POTEE: variants seen among roughly 807,000 people sequenced by gnomAD.
POTEE encodes the protein POTE ankyrin domain family member E.
Under a neutral mutation model 74.2 loss-of-function variants are expected in POTEE, and 21 were observed. The observed-to-expected ratio is 0.28, with a 90% confidence interval of 0.20 to 0.41. The LOEUF (loss-of-function observed/expected upper bound fraction) is 0.41, where lower values mean the gene tolerates loss of function less well. POTEE is among the 10% of genes least tolerant of loss of function. POTEE has a pLI of 1.00. For missense variants in POTEE, 525 were observed against 1,158.6 expected, an observed-to-expected ratio of 0.45 and a Z score of 7.94; for synonymous variants, 211 against 432.8, an observed-to-expected ratio of 0.49 and a Z score of 6.36.
intron 4 of POTEE, among the ~76,000 whole-genome samples, chr2:131,220,571 C>A (rs1336887784): frequency 1.3e-5 from 2 of 151,940 alleles, no homozygotes; most frequent in East Asian, 3.9e-4. Flanking sequence ...TGCATATCTA[C>A]CAGTGACCTA....
chr2:131,246,095 G>GTGTT (rs1404771497), intron 13 of POTEE, among the ~76,000 whole-genome samples: 2 of 127,242 alleles, frequency 1.6e-5, no homozygotes, highest in Non-Finnish European at 1.7e-5. Flanking sequence ...GTTCACAAAA[G>GTGTT]AACAGTGAAG....
At chr2:131,211,520 C>CTGTGTGTGTGTGTGTGTGTGTG (rs369206786) in intron 2 of POTEE, among the ~76,000 whole-genome samples, 4,537 of 49,986 alleles carry the variant, frequency 0.091, 873 homozygotes, top group East Asian at 0.16. Flanking sequence ...TAGGGGGTGA[C>CTGTGTGTGTGTGTGTGTGTGTG]TGTGTGTGTG....
Position 131,218,550 on chromosome 2 carries a change from G to T in POTEE, c.148G>T (p.Asp50Tyr). 1 of 1,612,600 alleles carries T rather than the reference G, an allele frequency of 6.2e-7. No homozygotes were observed. Among genetic ancestry groups the T allele is most frequent in the Non-Finnish European group, 8.5e-7 (1 of 1,179,774 alleles). ...CAACGTGGGCACTTCTGGAGACCAC[G>T]ACGACTCTGCTATGAAGACACTCAG... ...KSNVGTSGDHDDSAMKTLRSK... is the reference protein window; with the variant it reads ...KSNVGTSGDHYDSAMKTLRSK... Residue 50 changes from aspartate to tyrosine, a missense_variant, in exon 4 of 18, where the codon GAC (aspartate) becomes TAC (tyrosine). Coordinates refer to ENST00000683005, the MANE Select transcript of POTEE (RefSeq NM_001083538.3).
intron 4 of POTEE, among the ~76,000 whole-genome samples, chr2:131,221,836 T>G (rs1700628480): frequency 6.6e-6 from 1 of 152,224 alleles, no homozygotes; most frequent in Admixed American, 6.5e-5. Flanking sequence ...ATGTATTGCA[T>G]TACTCGACAG....
intron 16 of POTEE, among the ~76,000 whole-genome samples, chr2:131,260,258 C>T (rs1388247361): frequency 1.3e-5 from 2 of 149,818 alleles, no homozygotes; most frequent in Non-Finnish European, 2.9e-5. Context: ...GTGATGCCAA[C>T]ATATTTGTTC....
At chr2:131,228,908 C>A (rs1438910871) in intron 8 of POTEE, among the ~76,000 whole-genome samples, 1 of 145,040 alleles carries the variant, frequency 6.9e-6, no homozygotes, top group Non-Finnish European at 1.5e-5. Flanking sequence ...TTTGTGGCCA[C>A]TCAAACTGGT....
At position 131,218,994 on chromosome 2, in the gene POTEE, G is replaced by A. The variant is rs1458907841; in HGVS notation, c.521+71G>A. The A allele has an allele frequency of 8.8e-6, 14 of 1,592,338 alleles. No individual in the cohort carries two copies. The African/African-American group carries it at 1.2e-4, about 14-fold the overall frequency. Reference sequence around the variant, plus strand: ...GGGGACATACCCTCCTGGCGGGGGAGGAGGGGGACCTGGCTTTCTCGCCTC... The same window carrying A: ...GGGGACATACCCTCCTGGCGGGGGAAGAGGGGGACCTGGCTTTCTCGCCTC... On this transcript the variant is annotated intron_variant, in intron 4 of 17. Transcript: ENST00000683005.
chr2:131,218,624 G>A lies in POTEE; in HGVS notation c.222G>A (p.Gly74=), dbSNP rs761059665. 3.1e-6 allele frequency: 5 copies of A among 1,611,750 alleles called. No individual in the cohort carries two copies. Among genetic ancestry groups the A allele is most frequent in the African/African-American group, 1.3e-5 (1 of 74,126 alleles). Residue 74 remains glycine, a synonymous_variant, in exon 4 of 18, where the codon GGG becomes GGA. Coordinates refer to ENST00000683005, the MANE Select transcript of POTEE (RefSeq NM_001083538.3). ...WCHHCFPCCR[G]SGKSNVGASG... ...ACCACTGCTTCCCCTGCTGCAGGGG[G>A]AGTGGCAAGAGCAACGTGGGCGCTT...
intron 16 of POTEE, among the ~76,000 whole-genome samples, chr2:131,256,856 C>G (rs1454759411): frequency 2.6e-5 from 4 of 152,294 alleles, no homozygotes; most frequent in African/African-American, 9.6e-5. Context: ...AGGATTGTAT[C>G]ATCAGGACGC....
At chr2:131,224,998 T>G (rs1426679565) in intron 6 of POTEE, among the ~76,000 whole-genome samples, 1 of 151,948 alleles carries the variant, frequency 6.6e-6, no homozygotes, top group East Asian at 1.9e-4. Context: ...CCGGGGAAAA[T>G]CATGTGGTGT....
chr2:131,224,151 T>C, intron 6 of POTEE, 108 bp downstream of exon 6: 1 of 1,467,238 alleles, frequency 6.8e-7, no homozygotes, highest in Admixed American at 2.4e-5. Context: ...ATAACCTGAA[T>C]GAAAATATTT....
At chr2:131,220,483 C>T (rs1285906681) in intron 4 of POTEE, among the ~76,000 whole-genome samples, 2 of 150,942 alleles carry the variant, frequency 1.3e-5, no homozygotes, top group African/African-American at 2.5e-5. Context: ...GGGTTACAGG[C>T]GTGAGCCACT....
intron 9 of POTEE, among the ~76,000 whole-genome samples, chr2:131,233,291 G>T (rs1701020853): frequency 6.6e-6 from 1 of 151,876 alleles, no homozygotes; most frequent in African/African-American, 2.4e-5. Flanking sequence ...CCCTGCTGTT[G>T]TCTGCTGTTG....
At chr2:131,217,841 C>T (rs1245437933) in intron 3 of POTEE, among the ~76,000 whole-genome samples, 158 bp downstream of exon 3, 2 of 150,490 alleles carry the variant, frequency 1.3e-5, no homozygotes, top group Admixed American at 1.3e-4. Context: ...GCACGCCGCA[C>T]GCGCATAACG....
intron 9 of POTEE, among the ~76,000 whole-genome samples, chr2:131,233,484 A>G (rs190704459): frequency 6.6e-6 from 1 of 152,168 alleles, no homozygotes; most frequent in Admixed American, 6.5e-5. Context: ...CGCAGTAGTC[A>G]GTTATAGTTT....
chr2:131,212,777 T>A (rs1296668026), intron 2 of POTEE, among the ~76,000 whole-genome samples: 26 of 149,538 alleles, frequency 1.7e-4, no homozygotes, highest in Non-Finnish European at 3.1e-4. Flanking sequence ...TTGGTCAGGC[T>A]GGTCTTGAAC....
intron 4 of POTEE, among the ~76,000 whole-genome samples, chr2:131,221,314 C>T (rs1464367318): frequency 6.6e-6 from 1 of 151,944 alleles, no homozygotes; most frequent in Non-Finnish European, 1.5e-5. Flanking sequence ...AGAGATATGT[C>T]GACATGCAAA....
chr2:131,218,368 G>A lies in POTEE; in HGVS notation c.-35G>A, dbSNP rs1700498921. On this transcript the variant is annotated 5_prime_UTR_variant, in exon 4 of 18. Coordinates refer to ENST00000683005, the MANE Select transcript of POTEE (RefSeq NM_001083538.3). Reference sequence around the variant, plus strand: ...AACTGGTTGGTAGACGCGATCTGTTGGCTACTACTGGCTTCTCCTGGCTGT... The same window carrying A: ...AACTGGTTGGTAGACGCGATCTGTTAGCTACTACTGGCTTCTCCTGGCTGT... The A allele has an allele frequency of 6.2e-7, 1 of 1,610,870 alleles. No individual in the cohort carries two copies. Among genetic ancestry groups the A allele is most frequent in the Admixed American group, 1.7e-5 (1 of 59,978 alleles).
rs367901565 is a variant in POTEE at position 131,218,673 on chromosome 2, A to G, written c.271A>G (p.Met91Val). 31 of 1,347,152 alleles carry G rather than the reference A, an allele frequency of 2.3e-5. No individual in the cohort carries two copies. Among genetic ancestry groups the G allele is most frequent in the African/African-American group, 1.7e-4 (11 of 65,716 alleles). 83.4% of individuals were successfully genotyped at this position (1,347,152 alleles called of 1,614,324 possible). A position where few individuals can be genotyped will look rare whatever the true frequency, so the allele number is the denominator to read the frequency against. The change falls in exon 4 of 18, where the codon ATG becomes GTG. Residue 91 changes from methionine (M) to valine (V), a missense_variant. Coordinates refer to ENST00000683005, the MANE Select transcript of POTEE (RefSeq NM_001083538.3). Reference protein sequence around the residue: ...GASGDHDDSAMKTLRNKMGKW... With the variant: ...GASGDHDDSAVKTLRNKMGKW... The stretch of plus-strand genomic sequence containing the variant: ...TTCTGGAGACCACGACGACTCTGCT[A>G]TGAAGACACTCAGGAACAAGATGGG...
Sources: allele counts gnomAD v4.1 joint callset (sites outside exome capture counted in the v4.1 genomes callset), GRCh38; gene constraint gnomAD v4.1.1; transcripts MANE v1.5; gene names NCBI Gene and HGNC (gene_info 2026-07-23, HGNC 2026-07-21).